Variants in SLC22A16 observed in about 807,000 individuals in gnomAD.
The protein encoded by SLC22A16 is WUGSC:RG331P03.1.
Under a neutral mutation model 52.9 loss-of-function variants are expected in SLC22A16, and 53 were observed. That is an observed-to-expected ratio of 1.00 (90% CI 0.80 to 1.26). SLC22A16 has a LOEUF of 1.26. Among genes scored for constraint, SLC22A16 ranks in the 50% most tolerant of loss-of-function variants. SLC22A16 has a pLI of 0.00. For synonymous variants in SLC22A16, 291 were observed against 268.8 expected (o/e 1.08, Z -0.81); for missense variants, 726 against 704.0 (o/e 1.03, Z -0.35).
chr6:110,445,583 A>G (rs1775138608), intron 3 of SLC22A16, among the ~76,000 whole-genome samples: 1 of 152,158 alleles, frequency 6.6e-6, no homozygotes, highest in South Asian at 2.1e-4. Context: ...ATGAACATCA[A>G]CGGAAACAGT....
In SLC22A16 at chr6:110,431,218, C is replaced by A; in HGVS notation, c.1474G>T (p.Ala492Ser). 1 of 1,613,748 alleles carries A rather than the reference C, an allele frequency of 6.2e-7. No individual in the cohort carries two copies. Among genetic ancestry groups the A allele is most frequent in the Non-Finnish European group, 8.5e-7 (1 of 1,179,998 alleles). Residue 492 changes from alanine (A) to serine (S), a missense_variant, in exon 7 of 8, where the codon GCG (alanine) becomes TCG (serine). Physicochemically the swap from Ala to Ser is moderately conservative, Grantham distance 99. Coordinates refer to ENST00000368919, the MANE Select transcript of SLC22A16 (RefSeq NM_033125.4). ...CTGCTGAGGTCCACAGAGAACGGCGCCAGGATGCTGGCCAGGCGACACACC... is the reference window on the plus strand; with the variant it reads ...CTGCTGAGGTCCACAGAGAACGGCGACAGGATGCTGGCCAGGCGACACACC... Reference protein sequence around the residue: ...SMVCRLASILAPFSVDLSSIW... With the variant: ...SMVCRLASILSPFSVDLSSIW...
chr6:110,453,044 G>T (rs1169250874), intron 2 of SLC22A16, among the ~76,000 whole-genome samples: 1 of 152,024 alleles, frequency 6.6e-6, no homozygotes, highest in African/African-American at 2.4e-5. Flanking sequence ...TGAATTTTTT[G>T]TAGCTGTGTG....
intron 2 of SLC22A16, chr6:110,455,734 T>G (rs1562293695): frequency 6.6e-6 from 1 of 152,228 alleles, no homozygotes; most frequent in Non-Finnish European, 1.5e-5. Flanking sequence ...AGTGCAACAC[T>G]ATTAAGAGGG....
Position 110,438,316 on chromosome 6 carries a change from CTTTTTAT to C in SLC22A16, c.1311+397_1311+403del, listed in dbSNP as rs374323291. On this transcript the variant is annotated intron_variant, in intron 5 of 7. Transcript: ENST00000368919. ...CATCTCTGGGAATTAGGATTATGAA[CTTTTTAT>C]TTTTTATTTTTTATTTTTTGAGATG... is the stretch of plus-strand genomic sequence containing the variant. 5.4e-3 allele frequency among the ~76,000 whole-genome samples: 827 copies of C among 152,122 alleles called. 2 individuals carry two copies. The highest frequency in any genetic ancestry group is 0.02 in the Middle Eastern group (6 of 294).
chr6:110,434,120 A>G (rs528910558), intron 6 of SLC22A16, among the ~76,000 whole-genome samples: 5 of 152,184 alleles, frequency 3.3e-5, no homozygotes, highest in South Asian at 2.1e-4. Context: ...CACACCTGCA[A>G]TCCCAGCTAC....
chr6:110,436,964 G>T lies in SLC22A16; in HGVS notation c.1312-1003C>A, dbSNP rs79748296. Among the ~76,000 whole-genome samples, 949 of 152,230 alleles carry T rather than the reference G, an allele frequency of 6.2e-3. 16 individuals are homozygous for T. The highest frequency in any genetic ancestry group is 0.051 in the East Asian group (266 of 5,168). On this transcript the variant is annotated intron_variant, in intron 5 of 7. Transcript: ENST00000368919. ...CGGCTGATGTGTTAAGGACAGCAGT[G>T]CCTCTGTCAGCCTACATCCCTGAAT...
intron 7 of SLC22A16, among the ~76,000 whole-genome samples, chr6:110,428,931 A>T (rs1374010059): frequency 1.3e-4 from 20 of 152,206 alleles, no homozygotes; most frequent in African/African-American, 4.6e-4. Context: ...GAAGAATAAT[A>T]AAAATAAAAG....
intron 1 of SLC22A16, among the ~76,000 whole-genome samples, chr6:110,475,201 C>A (rs574231102): frequency 6.6e-6 from 1 of 152,158 alleles, no homozygotes; most frequent in Non-Finnish European, 1.5e-5. Context: ...CTTGGCCCAG[C>A]TGAGGAGCCG....
chr6:110,476,247 A>C, intron 1 of SLC22A16: 2 of 934,790 alleles, frequency 2.1e-6, no homozygotes, highest in Non-Finnish European at 3.0e-6. Flanking sequence ...GCTGCCGCGG[A>C]GAGCACGCAC....
At chr6:110,426,428 C>T (rs1774257913) in intron 7 of SLC22A16, among the ~76,000 whole-genome samples, 1 of 152,108 alleles carries the variant, frequency 6.6e-6, no homozygotes, top group African/African-American at 2.4e-5. Context: ...GCTTCCCTGA[C>T]CAGCTCCCCA....
At chr6:110,428,658 G>A (rs2295188) in intron 7 of SLC22A16, among the ~76,000 whole-genome samples, 39,381 of 152,160 alleles carry the variant, frequency 0.26, 5,418 homozygotes, top group East Asian at 0.37. Flanking sequence ...GTTTATGCCT[G>A]TAATCCCAGC....
chr6:110,468,122 CT>C, intron 1 of SLC22A16, among the ~76,000 whole-genome samples: 1 of 152,356 alleles, frequency 6.6e-6, no homozygotes, highest in African/African-American at 2.4e-5. Context: ...GGCATTGGCC[CT>C]TGTAGCTAGC....
intron 1 of SLC22A16, among the ~76,000 whole-genome samples, chr6:110,463,090 C>T (rs930548343): frequency 9.2e-5 from 14 of 151,956 alleles, no homozygotes; most frequent in African/African-American, 3.4e-4. Flanking sequence ...GAATTAATCA[C>T]CACTTGACCA....
chr6:110,438,314 A>G (rs996421518), intron 5 of SLC22A16, among the ~76,000 whole-genome samples: 1 of 152,050 alleles, frequency 6.6e-6, no homozygotes, highest in African/African-American at 2.4e-5. Flanking sequence ...TAGGATTATG[A>G]ACTTTTTATT....
intron 3 of SLC22A16, among the ~76,000 whole-genome samples, chr6:110,444,234 A>T (rs1775083150): frequency 6.6e-6 from 1 of 152,210 alleles, no homozygotes; most frequent in Non-Finnish European, 1.5e-5. Context: ...ATAATATGTG[A>T]CCATTCTTGA....
At chr6:110,430,545 A>G (rs1774455052) in intron 7 of SLC22A16, among the ~76,000 whole-genome samples, 1 of 152,108 alleles carries the variant, frequency 6.6e-6, no homozygotes, top group Non-Finnish European at 1.5e-5. Flanking sequence ...CCCATCCCGC[A>G]TCTTCTTCCT....
rs374929737 is a variant in SLC22A16, at chr6:110,456,789, C to T, written c.282G>A (p.Glu94=). Residue 94 remains glutamate, a synonymous_variant, in exon 2 of 8, where the codon GAG becomes GAA. Transcript: ENST00000368919. The part of the protein sequence containing the change: ...DYVTVQLQNG[E]IWELSRCSRN... Reference sequence around the variant, plus strand: ...TGCTACACCTTGAGAGCTCCCAGATCTCACCATTCTGCAACTGCACCGTAA... The same window carrying T: ...TGCTACACCTTGAGAGCTCCCAGATTTCACCATTCTGCAACTGCACCGTAA... The T allele has an allele frequency of 1.2e-6, 2 of 1,614,082 alleles. No homozygotes were observed. Among genetic ancestry groups the T allele is most frequent in the African/African-American group, 2.7e-5 (2 of 74,924 alleles).
At chr6:110,445,843 A>G (rs534746266) in intron 3 of SLC22A16, among the ~76,000 whole-genome samples, 52 of 152,302 alleles carry the variant, frequency 3.4e-4, no homozygotes, top group African/African-American at 1.2e-3. Flanking sequence ...CCTCAGTGGA[A>G]ACAGAACTAC....
At chr6:110,468,249 G>A (rs925356827) in intron 1 of SLC22A16, among the ~76,000 whole-genome samples, 1 of 152,216 alleles carries the variant, frequency 6.6e-6, no homozygotes, top group Non-Finnish European at 1.5e-5. Flanking sequence ...CTTTGGGATG[G>A]GCAGCCAACA....
Sources: allele counts gnomAD v4.1 joint callset (sites outside exome capture counted in the v4.1 genomes callset), GRCh38; gene constraint gnomAD v4.1.1; transcripts MANE v1.5; gene names NCBI Gene and HGNC (gene_info 2026-07-23, HGNC 2026-07-21).